The following ZNF516 variants were observed in gnomAD, a reference collection of about 807,000 sequenced individuals.
ZNF516 encodes the protein zinc finger protein 516.
Under a neutral mutation model 79.7 loss-of-function variants are expected in ZNF516, and 19 were observed. That is an observed-to-expected ratio of 0.24 (90% confidence interval 0.17 to 0.35). ZNF516 has a LOEUF of 0.35. Among genes scored for constraint, ZNF516 ranks in the 10% least tolerant of loss-of-function variants. ZNF516 has a pLI of 1.00. For synonymous variants in ZNF516, 877 were observed against 739.5 expected, an observed-to-expected ratio of 1.19 and a Z score of -3.02; for missense variants, 1,678 against 1,679.5, an observed-to-expected ratio of 1.00 and a Z score of 0.02.
rs114237741 is a variant in ZNF516 at position 76,369,791 on chromosome 18, G to A, written c.3432+737C>T. 3.1e-3 allele frequency among the ~76,000 whole-genome samples: 477 copies of A among 152,312 alleles called. 3 individuals carry two copies. The highest frequency in any genetic ancestry group is 0.011 in the African/African-American group (464 of 41,570). The stretch of plus-strand genomic sequence containing the variant: ...GTTTGTCTTTGGAGAAAGCCAGAAT[G>A]TTACTTAGAGAATGCTTGTGCAACA... On this transcript the variant is annotated intron_variant, in intron 6 of 6. Transcript: ENST00000443185.
rs1380508890 is a variant in ZNF516, at chr18:76,367,478, T to TC, written c.3432+3049dup. 2.0e-5 allele frequency among the ~76,000 whole-genome samples: 3 copies of TC among 152,274 alleles called. No individual in the cohort carries two copies. In the East Asian group the frequency reaches 5.8e-4, roughly 29 times the overall value. ...GAGTCTCAACAAGGAGACCTGGTGCTCTCTAGACCCCAGGCCCGAGCCTCT... is the reference window on the plus strand; with the variant it reads ...GAGTCTCAACAAGGAGACCTGGTGCTCCTCTAGACCCCAGGCCCGAGCCTCT... On this transcript the variant is annotated intron_variant, in intron 6 of 6. Transcript: ENST00000443185.
At chr18:76,427,876 A>C (rs1241437310) in intron 3 of ZNF516, among the ~76,000 whole-genome samples, 1 of 152,222 alleles carries the variant, frequency 6.6e-6, no homozygotes, top group African/African-American at 2.4e-5. Flanking sequence ...ACAAAAAAAA[A>C]TGAGAAAATG....
chr18:76,455,537 C>A (rs756616790), intron 2 of ZNF516, among the ~76,000 whole-genome samples: 7 of 152,192 alleles, frequency 4.6e-5, no homozygotes, highest in Non-Finnish European at 7.4e-5. Flanking sequence ...TCCCATTCAG[C>A]AGGGTGTAAG....
chr18:76,399,185 A>ACAACAGGTATTTATC (rs1555701343), intron 3 of ZNF516, among the ~76,000 whole-genome samples: 3 of 151,842 alleles, frequency 2.0e-5, no homozygotes, highest in African/African-American at 7.3e-5. Context: ...CCACTTTTCA[A>ACAACAGGTATTTATC]CAACAGGCAT....
At position 76,357,975 on chromosome 18, in the gene ZNF516, G is replaced by A. The variant is rs528900958; in HGVS notation, c.*4523C>T. ...CTCCATTAAAAAACTGTATGTCCTCGAGTCCACAAAAGAGTTGGAAAAAAA... is the reference window on the plus strand; with the variant it reads ...CTCCATTAAAAAACTGTATGTCCTCAAGTCCACAAAAGAGTTGGAAAAAAA... On this transcript the variant is annotated 3_prime_UTR_variant, in exon 7 of 7. Transcript: ENST00000443185. Among the ~76,000 whole-genome samples the A allele has an allele frequency of 1.9e-3, 284 of 152,236 alleles. 1 individual carries two copies. The highest frequency in any genetic ancestry group is 1.2e-3 in the Non-Finnish European group (81 of 68,014).
At chr18:76,385,487 A>G (rs1222211936) in intron 3 of ZNF516, among the ~76,000 whole-genome samples, 3 of 152,252 alleles carry the variant, frequency 2.0e-5, no homozygotes, top group Admixed American at 6.5e-5. Context: ...TAAAATATAC[A>G]TAACAAAAAA....
chr18:76,410,158 C>A (rs547185526), intron 3 of ZNF516, among the ~76,000 whole-genome samples: 1 of 152,156 alleles, frequency 6.6e-6, no homozygotes, highest in African/African-American at 2.4e-5. Flanking sequence ...TTGTTAGCAG[C>A]GTTAAAAACG....
chr18:76,376,435 A>G (rs537803253), intron 4 of ZNF516, among the ~76,000 whole-genome samples: 1 of 152,242 alleles, frequency 6.6e-6, no homozygotes, highest in South Asian at 2.1e-4. Flanking sequence ...CTATGTCTCA[A>G]TGTGTACATT....
At position 76,362,534 on chromosome 18, in the gene ZNF516, A is replaced by C; in HGVS notation, c.3456T>G (p.Gly1152=). ...TTCTCAGAGGCACTGTCTGGACGGT[A>C]CCTGTGTTAGAATGGTCTCTCCCCT... is the stretch of plus-strand genomic sequence containing the variant. ...PKQGRDHSNT[G]TVQTVPLRKG... The change falls in exon 7 of 7, where the codon GGT becomes GGG. Residue 1152 remains glycine (G), a synonymous_variant. Transcript: ENST00000443185. The C allele has an allele frequency of 1.2e-6, 2 of 1,613,328 alleles. No individual in the cohort carries two copies. The highest frequency in any genetic ancestry group is 1.7e-6 in the Non-Finnish European group (2 of 1,179,328).
At chr18:76,461,073 T>G (rs2145671725) in intron 2 of ZNF516, among the ~76,000 whole-genome samples, 1 of 152,238 alleles carries the variant, frequency 6.6e-6, no homozygotes, top group Non-Finnish European at 1.5e-5. Flanking sequence ...TCCCAGCTAC[T>G]TGGGAGGCTG....
At chr18:76,387,077 G>C (rs1047427490) in intron 3 of ZNF516, 1 of 152,150 alleles carries the variant, frequency 6.6e-6, no homozygotes, top group African/African-American at 2.4e-5. Context: ...ACCATGCCCC[G>C]CCCCTCTGAA....
chr18:76,491,952 G>T (rs1206716240), intron 1 of ZNF516, among the ~76,000 whole-genome samples: 2 of 152,308 alleles, frequency 1.3e-5, no homozygotes, highest in South Asian at 4.1e-4. Context: ...GAGGGAAGGC[G>T]CGGAGTCGGA....
At chr18:76,479,457 C>T (rs779234088) in intron 1 of ZNF516, among the ~76,000 whole-genome samples, 26 of 152,236 alleles carry the variant, frequency 1.7e-4, no homozygotes, top group Non-Finnish European at 4.4e-5. Flanking sequence ...AGGGTTCCAG[C>T]TCCCCATTGT....
At chr18:76,495,845 C>T (rs1915462049), upstream of ZNF516, 1 of 756,442 alleles carries the variant, frequency 1.3e-6, no homozygotes, top group Non-Finnish European at 1.7e-6. Flanking sequence ...CTGGTAAATG[C>T]CTCTGGGGGT....
At chr18:76,377,553 C>T (rs981412208) in intron 4 of ZNF516, among the ~76,000 whole-genome samples, 6 of 152,246 alleles carry the variant, frequency 3.9e-5, no homozygotes, top group Non-Finnish European at 8.8e-5. Flanking sequence ...CCAGCACCCA[C>T]TGGGACACTG....
chr18:76,440,742 T>TTTGTGTGTGTG (rs1555711266), intron 3 of ZNF516, among the ~76,000 whole-genome samples: 1 of 149,942 alleles, frequency 6.7e-6, no homozygotes, highest in Non-Finnish European at 1.5e-5. Flanking sequence ...GTGTGTGTGT[T>TTTGTGTGTGTG]TGTGTGTGTG....
Position 76,488,201 on chromosome 18 carries a change from G to A in ZNF516, c.-272+6943C>T, listed in dbSNP as rs1423931910. 1.3e-5 allele frequency: 13 copies of A among 985,258 alleles called. No individual in the cohort carries two copies. In the African/African-American group the frequency reaches 2.1e-4, roughly 16 times the overall value. The allele number at this position is 985,258 out of a possible 1,614,324, so 61.0% of individuals were successfully genotyped here. A position where few individuals can be genotyped will look rare whatever the true frequency, so the allele number is the denominator to read the frequency against. ...ACTTGAAAAATGCAACTCTAAATGA[G>A]ATGCAGCTCCCAACAACAGAGTAGG... On this transcript the variant is annotated intron_variant, in intron 1 of 6. Coordinates refer to ENST00000443185, the MANE Select transcript of ZNF516 (RefSeq NM_014643.4).
chr18:76,381,613 G>GACAGCGC (rs1413141310), intron 3 of ZNF516, among the ~76,000 whole-genome samples: 1 of 152,348 alleles, frequency 6.6e-6, no homozygotes, highest in South Asian at 2.1e-4. Context: ...ATCAGGGTGA[G>GACAGCGC]ACAGCGCCTG....
intron 1 of ZNF516, among the ~76,000 whole-genome samples, chr18:76,471,729 C>T (rs539680904): frequency 6.6e-6 from 1 of 152,228 alleles, no homozygotes; most frequent in South Asian, 2.1e-4. Context: ...CCCCAGGAGC[C>T]GGGTCCAGCA....
Sources: allele counts gnomAD v4.1 joint callset (sites outside exome capture counted in the v4.1 genomes callset), GRCh38; gene constraint gnomAD v4.1.1; transcripts MANE v1.5; gene names NCBI Gene and HGNC (gene_info 2026-07-23, HGNC 2026-07-21).